The following BOP1 variants were observed in gnomAD, a reference collection of about 807,000 sequenced individuals.
BOP1 encodes ribosome biogenesis protein BOP1.
BOP1 carries 54 observed loss-of-function variants against 82.9 expected under a neutral mutation model. The observed-to-expected ratio is 0.65, with a 90% confidence interval of 0.52 to 0.82. The LOEUF (loss-of-function observed/expected upper bound fraction) is 0.82. BOP1 is among the 40% of genes least tolerant of loss of function. The pLI, the probability that BOP1 is intolerant of heterozygous loss-of-function variation, is 0.00. For missense variants in BOP1, 1,170 were observed against 1,072.0 expected, an observed-to-expected ratio of 1.09 and a Z score of -1.28; for synonymous variants, 566 against 451.1, an observed-to-expected ratio of 1.25 and a Z score of -3.23.
rs989059258 is a variant in BOP1 at position 144,264,666 on chromosome 8, G to A, written c.663+48C>T. 5,928 of 1,565,384 alleles carry A rather than the reference G, an allele frequency of 3.8e-3. 261 individuals carry two copies. The Admixed American group carries it at 0.089, about 23-fold the overall frequency. On this transcript the variant is annotated intron_variant, in intron 5 of 15. Transcript: ENST00000569669. Reference sequence around the variant, plus strand: ...GGGCCAGAGTGGCTGAGGCCCTGCTGGTGCCTCCAGGACCCCCGCCGCCCA... The same window carrying A: ...GGGCCAGAGTGGCTGAGGCCCTGCTAGTGCCTCCAGGACCCCCGCCGCCCA...
At chr8:144,268,283 G>C (rs1448412997) in intron 3 of BOP1, 3 of 1,260,976 alleles carry the variant, frequency 2.4e-6, no homozygotes, top group Non-Finnish European at 3.3e-6. Context: ...GGCTGCGAGC[G>C]GGGCCGAGGG....
intron 3 of BOP1, chr8:144,267,194 G>A (rs1845393768): frequency 1.3e-6 from 2 of 1,503,556 alleles, no homozygotes; most frequent in Non-Finnish European, 1.8e-6. Context: ...AGCACGGGCC[G>A]TGGGGCGCCG....
At chr8:144,279,782 T>C (rs992278791) in intron 2 of BOP1, among the ~76,000 whole-genome samples, 31 of 152,166 alleles carry the variant, frequency 2.0e-4, no homozygotes, top group African/African-American at 6.3e-4. Context: ...GAAGGCCGTG[T>C]GGCTCTGCCT....
chr8:144,265,400 C>T (rs1329738765), intron 3 of BOP1: 3 of 464,106 alleles, frequency 6.5e-6, no homozygotes, highest in South Asian at 2.8e-5. Context: ...CCTCATCACC[C>T]ACGGGCTCCC....
intron 2 of BOP1, among the ~76,000 whole-genome samples, chr8:144,280,956 T>A (rs113369486): frequency 0.012 from 827 of 67,060 alleles, no homozygotes; most frequent in African/African-American, 0.041. Context: ...ACCAGGTCTT[T>A]GGCCTTCTCT....
chr8:144,268,351 G>A (rs1012970441), intron 3 of BOP1: 30 of 648,938 alleles, frequency 4.6e-5, no homozygotes, highest in African/African-American at 4.0e-4. Flanking sequence ...CCCAGCACCT[G>A]CCCGGGCCCA....
At chr8:144,271,081 CGG>C (rs1554837721) in intron 3 of BOP1, among the ~76,000 whole-genome samples, 1 of 27,222 alleles carries the variant, frequency 3.7e-5, no homozygotes, top group Non-Finnish European at 8.7e-5. Flanking sequence ...CGGAGAGCCC[CGG>C]CCGGCCGGCC....
At chr8:144,269,115 C>T (rs1845447086) in intron 3 of BOP1, among the ~76,000 whole-genome samples, 1 of 152,210 alleles carries the variant, frequency 6.6e-6, no homozygotes, top group South Asian at 2.1e-4. Flanking sequence ...GCCCATCCAG[C>T]CCCCTGAAGA....
intron 2 of BOP1, among the ~76,000 whole-genome samples, chr8:144,288,083 T>C (rs186599546): frequency 6.7e-6 from 1 of 149,812 alleles, no homozygotes; most frequent in Admixed American, 6.6e-5. Flanking sequence ...CTGGCCAACA[T>C]GGTGAAACCC....
At position 144,263,250 on chromosome 8, in the gene BOP1, C is replaced by T; in HGVS notation, c.1576G>A (p.Gly526Ser). The part of the protein sequence containing the change: ...LEASEEERQV[G>S]LRLRICHGKP... ...CCGTGGCAGATGCGCAGCCGCAGGC[C>T]CACTTGGCGCTCCTCCTCTGAGGCC... The change falls in exon 12 of 16, where the codon GGC (glycine) becomes AGC (serine). Residue 526 changes from glycine to serine, a missense_variant. By Grantham distance (56) the Gly-to-Ser change is moderately conservative. Transcript: ENST00000569669. 2.5e-6 allele frequency: 4 copies of T among 1,594,984 alleles called. No homozygotes were observed. The highest frequency in any genetic ancestry group is 3.4e-6 in the Non-Finnish European group (4 of 1,179,244).
chr8:144,262,323 G>C lies in BOP1; in HGVS notation c.2088-6C>G. The C allele has an allele frequency of 3.1e-6, 5 of 1,612,790 alleles. No homozygotes were observed. In the South Asian group the frequency reaches 5.5e-5, roughly 18 times the overall value. ...AGGGGTTCTGCAGAAGGTCACTGTG[G>C]GGACGAGGAGGGCTCAGGGCACGGC... On this transcript the variant is annotated splice_region_variant and splice_polypyrimidine_tract_variant and intron_variant, in intron 15 of 15. Coordinates refer to ENST00000569669, the MANE Select transcript of BOP1 (RefSeq NM_015201.5).
Position 144,291,428 on chromosome 8 carries a change from G to C in BOP1, c.-58C>G. The C allele has an allele frequency of 9.5e-7, 1 of 1,055,482 alleles. No individual in the cohort carries two copies. The highest frequency in any genetic ancestry group is 1.7e-5 in the African/African-American group (1 of 58,934). The allele number at this position is 1,055,482 out of a possible 1,614,324, so 65.4% of individuals were successfully genotyped here. On this transcript the variant is annotated 5_prime_UTR_variant, in exon 1 of 16. Coordinates refer to ENST00000569669, the MANE Select transcript of BOP1 (RefSeq NM_015201.5). The surrounding 1 kb of genome is among the most constrained non-coding windows in gnomAD (Gnocchi z 4.1). ...CCGCTTCCGACAGCGACCGGGCCGCGTGCGCAGGAGGACGCGCCCCGCCCA... is the reference window on the plus strand; with the variant it reads ...CCGCTTCCGACAGCGACCGGGCCGCCTGCGCAGGAGGACGCGCCCCGCCCA...
chr8:144,262,626 A>T lies in BOP1; in HGVS notation c.1941T>A (p.Phe647Leu). The T allele has an allele frequency of 6.2e-7, 1 of 1,613,420 alleles. No homozygotes were observed. Among genetic ancestry groups the T allele is most frequent in the Non-Finnish European group, 8.5e-7 (1 of 1,179,804 alleles). The change falls in exon 14 of 16, where the codon TTT (phenylalanine) becomes TTA (leucine). Residue 647 changes from phenylalanine (F) to leucine (L), a missense_variant. Transcript: ENST00000569669. The part of the protein sequence containing the change: ...CGSYDSKLVW[F>L]DLDLSTKPYR... ...ATGGCTTGGTGGAAAGATCCAGGTC[A>T]AACCACACCAGCTTGCTATCGTAGC...
chr8:144,276,720 C>T (rs1198026786), intron 2 of BOP1, among the ~76,000 whole-genome samples: 5 of 152,254 alleles, frequency 3.3e-5, no homozygotes, highest in Admixed American at 6.5e-5. Context: ...TGCCGAGCCC[C>T]GCCTGGGACG....
chr8:144,267,275 T>C, intron 3 of BOP1: 1 of 1,360,784 alleles, frequency 7.3e-7, no homozygotes, highest in South Asian at 1.7e-5. Context: ...CGGGCAGGGC[T>C]CCCCAACAGG....
chr8:144,266,635 C>T, intron 3 of BOP1: 1 of 1,234,992 alleles, frequency 8.1e-7, no homozygotes, highest in South Asian at 1.5e-5. Flanking sequence ...CACGCTGCGC[C>T]CGGCGCCGCC....
chr8:144,289,115 T>A lies in BOP1; in HGVS notation c.289A>T (p.Thr97Ser). The A allele has an allele frequency of 6.2e-7, 1 of 1,614,122 alleles. No individual in the cohort carries two copies. The highest frequency in any genetic ancestry group is 8.5e-7 in the Non-Finnish European group (1 of 1,180,022). Residue 97 changes from threonine (T) to serine (S), a missense_variant, in exon 2 of 16, where the codon ACC becomes TCC. Physicochemically the swap from Thr to Ser is moderately conservative, Grantham distance 58 (BLOSUM62 1). Transcript: ENST00000569669. Reference protein sequence around the residue: ...DDEGHSGIKKTTEEQVQASTP... With the variant: ...DDEGHSGIKKSTEEQVQASTP... ...CCCACCTGCACCTGCTCCTCAGTGG[T>A]CTTTTTAATCCCACTGTGGCCCTCG...
intron 2 of BOP1, 135 bp from the exon 3 acceptor site, chr8:144,276,439 G>T: frequency 9.8e-7 from 1 of 1,024,846 alleles, no homozygotes; most frequent in Non-Finnish European, 1.5e-6. Flanking sequence ...ACAAGGCCGA[G>T]AACACCCAGC....
chr8:144,267,232 C>A, intron 3 of BOP1: 1 of 1,465,778 alleles, frequency 6.8e-7, no homozygotes, highest in Non-Finnish European at 8.9e-7. Flanking sequence ...GCCCCTCAGC[C>A]CACACCTGCC....
Sources: allele counts gnomAD v4.1 joint callset (sites outside exome capture counted in the v4.1 genomes callset), GRCh38; gene constraint gnomAD v4.1.1; non-coding constraint Gnocchi (gnomAD v3.1); transcripts MANE v1.5; gene names NCBI Gene and HGNC (gene_info 2026-07-23, HGNC 2026-07-21).